CLPB: variants seen among roughly 807,000 people sequenced by gnomAD.
CLPB encodes the protein ClpB family mitochondrial disaggregase, also known as mitochondrial disaggregase.
CLPB carries 40 observed loss-of-function variants against 78.4 expected under a neutral mutation model. The ratio of observed to expected loss-of-function variants is 0.51; its 90% confidence interval spans 0.40 to 0.66. The LOEUF (loss-of-function observed/expected upper bound fraction) is 0.66. Ranked by LOEUF, CLPB falls within the 30% of genes least tolerant of loss-of-function variation. The pLI is 0.00. For missense variants in CLPB, 780 were observed against 886.9 expected (o/e 0.88, Z 1.53); for synonymous variants, 333 against 348.0 (o/e 0.96, Z 0.48).
chr11:72,415,193 C>T lies in CLPB; in HGVS notation c.456-12141G>A, dbSNP rs558793762. 1.7e-3 allele frequency among the ~76,000 whole-genome samples: 266 copies of T among 152,058 alleles called. 4 individuals carry two copies. The highest frequency in any genetic ancestry group is 1.0e-3 in the African/African-American group (42 of 41,474). ...ATCGCACCACTGCACTCCAGCCTGGCGACAGAGTGAGACTCCGTCTCAAAA... is the reference window on the plus strand; with the variant it reads ...ATCGCACCACTGCACTCCAGCCTGGTGACAGAGTGAGACTCCGTCTCAAAA... On this transcript the variant is annotated intron_variant, in intron 2 of 15. Coordinates refer to ENST00000538039, the MANE Select transcript of CLPB (RefSeq NM_001258392.3).
At position 72,308,017 on chromosome 11, in the gene CLPB, G is replaced by A. The variant is rs532662906; in HGVS notation, c.1066+510C>T. Among the ~76,000 whole-genome samples the A allele has an allele frequency of 5.3e-5, 8 of 152,318 alleles. No individual in the cohort carries two copies. In the South Asian group the frequency reaches 1.5e-3, roughly 28 times the overall value. ...GGAATGGGGGGGTTCTGTCAGGGCAGAGAATGAAGGGGTAAGAATGCCTCG... is the reference window on the plus strand; with the variant it reads ...GGAATGGGGGGGTTCTGTCAGGGCAAAGAATGAAGGGGTAAGAATGCCTCG... On this transcript the variant is annotated intron_variant, in intron 8 of 15. Coordinates refer to ENST00000538039, the MANE Select transcript of CLPB (RefSeq NM_001258392.3).
At chr11:72,303,211 G>A (rs1226584298) in intron 9 of CLPB, among the ~76,000 whole-genome samples, 1 of 152,192 alleles carries the variant, frequency 6.6e-6, no homozygotes, top group Non-Finnish European at 1.5e-5. Flanking sequence ...AGTCCCCCGG[G>A]CTCCTCTCCT....
intron 3 of CLPB, among the ~76,000 whole-genome samples, chr11:72,380,805 C>T (rs1195827544): frequency 1.3e-5 from 2 of 152,184 alleles, no homozygotes; most frequent in Non-Finnish European, 2.9e-5. Context: ...TTATCAAATG[C>T]CTACCATGTT....
At chr11:72,419,838 G>C (rs575659204) in intron 2 of CLPB, among the ~76,000 whole-genome samples, 2 of 152,076 alleles carry the variant, frequency 1.3e-5, no homozygotes, top group African/African-American at 4.8e-5. Context: ...TTGTCATTTC[G>C]CATTTGTAGG....
intron 3 of CLPB, among the ~76,000 whole-genome samples, chr11:72,390,107 T>C (rs1434452599): frequency 6.6e-6 from 1 of 152,116 alleles, no homozygotes; most frequent in Non-Finnish European, 1.5e-5. Context: ...AGGAGCACTT[T>C]GCCCCAGATC....
At chr11:72,425,085 A>G (rs1218835607) in intron 2 of CLPB, among the ~76,000 whole-genome samples, 1 of 152,002 alleles carries the variant, frequency 6.6e-6, no homozygotes, top group Admixed American at 6.5e-5. Context: ...CAAAAACAAC[A>G]AAAAAGTGTC....
At chr11:72,350,157 T>C (rs772630829) in intron 5 of CLPB, among the ~76,000 whole-genome samples, 6 of 152,212 alleles carry the variant, frequency 3.9e-5, no homozygotes, top group Non-Finnish European at 8.8e-5. Flanking sequence ...CATTCTATAC[T>C]GGGTAAAGGG....
At chr11:72,431,650 C>T (rs957114283) in intron 1 of CLPB, among the ~76,000 whole-genome samples, 2 of 152,170 alleles carry the variant, frequency 1.3e-5, no homozygotes, top group Admixed American at 6.5e-5. Context: ...CAGACAGCCA[C>T]CAGCTGGGAG....
At chr11:72,330,130 C>A (rs1950198359) in intron 5 of CLPB, among the ~76,000 whole-genome samples, 1 of 152,166 alleles carries the variant, frequency 6.6e-6, no homozygotes, top group Non-Finnish European at 1.5e-5. Context: ...ATTAAAATGT[C>A]CATATTTTCC....
chr11:72,416,590 G>C (rs1856030484), intron 2 of CLPB, among the ~76,000 whole-genome samples: 1 of 151,886 alleles, frequency 6.6e-6, no homozygotes, highest in Non-Finnish European at 1.5e-5. Context: ...ACAAAAATTA[G>C]CCAGGCATGG....
chr11:72,360,031 G>T (rs1372831839), intron 4 of CLPB, among the ~76,000 whole-genome samples: 1 of 152,186 alleles, frequency 6.6e-6, no homozygotes, highest in Non-Finnish European at 1.5e-5. Context: ...CAATAAATTA[G>T]AATGTTACCC....
At chr11:72,360,299 G>A (rs1219148505) in intron 4 of CLPB, among the ~76,000 whole-genome samples, 7 of 152,130 alleles carry the variant, frequency 4.6e-5, no homozygotes, top group Non-Finnish European at 1.0e-4. Context: ...GTCAAGAGGC[G>A]ATCTTACCTA....
intron 2 of CLPB, among the ~76,000 whole-genome samples, chr11:72,405,476 C>T (rs903731481): frequency 1.3e-5 from 2 of 152,162 alleles, no homozygotes; most frequent in African/African-American, 2.4e-5. Context: ...GTGTTCGCAG[C>T]CCCCATGAAA....
At chr11:72,320,480 C>CCT (rs1950025038) in intron 6 of CLPB, among the ~76,000 whole-genome samples, 2 of 152,136 alleles carry the variant, frequency 1.3e-5, no homozygotes, top group African/African-American at 4.8e-5. Context: ...GGGAAAGATT[C>CCT]AAACCATGGC....
At chr11:72,403,280 G>A (rs570898698) in intron 2 of CLPB, among the ~76,000 whole-genome samples, 1 of 152,110 alleles carries the variant, frequency 6.6e-6, no homozygotes, top group Non-Finnish European at 1.5e-5. Flanking sequence ...TGGCCATTCT[G>A]TCCCATCAAG....
chr11:72,345,891 G>A (rs1231099774), intron 5 of CLPB, among the ~76,000 whole-genome samples: 3 of 152,200 alleles, frequency 2.0e-5, no homozygotes, highest in African/African-American at 7.2e-5. Flanking sequence ...AACTTTTAAG[G>A]AGATTTGTTT....
chr11:72,319,909 T>C (rs958080158), intron 6 of CLPB, among the ~76,000 whole-genome samples: 4 of 152,238 alleles, frequency 2.6e-5, no homozygotes, highest in Non-Finnish European at 5.9e-5. Context: ...CTTTAACTAA[T>C]TTAATTGTGG....
chr11:72,429,702 C>T (rs777094574), intron 2 of CLPB, among the ~76,000 whole-genome samples: 1 of 152,248 alleles, frequency 6.6e-6, no homozygotes, highest in Non-Finnish European at 1.5e-5. Context: ...AGACTCTGCC[C>T]TATACCTGGC....
chr11:72,366,402 C>G (rs111826990), intron 4 of CLPB, among the ~76,000 whole-genome samples: 2 of 151,900 alleles, frequency 1.3e-5, no homozygotes, highest in Non-Finnish European at 2.9e-5. Flanking sequence ...TTTAGAAAAC[C>G]CTGTTTTCTA....
Sources: allele counts gnomAD v4.1 joint callset (sites outside exome capture counted in the v4.1 genomes callset), GRCh38; gene constraint gnomAD v4.1.1; transcripts MANE v1.5; gene names NCBI Gene and HGNC (gene_info 2026-07-23, HGNC 2026-07-21).